FOCAD: variants seen among roughly 807,000 people sequenced by gnomAD.
The protein encoded by FOCAD is KIAA1797.
FOCAD carries 198 observed loss-of-function variants against 225.6 expected under a neutral mutation model. The ratio of observed to expected loss-of-function variants is 0.88; its 90% CI spans 0.78 to 0.99. The LOEUF (loss-of-function observed/expected upper bound fraction) is 0.99. Among genes scored for constraint, FOCAD ranks in the 50% least tolerant of loss-of-function variants. The pLI is 0.00. For missense variants in FOCAD, 2,713 were observed against 2,123.6 expected (o/e 1.28, Z -5.46); for synonymous variants, 897 against 755.0 (o/e 1.19, Z -3.08).
At position 20,710,596 on chromosome 9, in the gene FOCAD, CA is replaced by C. The variant is rs879602369; in HGVS notation, c.-32-4714del. 7.8e-3 allele frequency among the ~76,000 whole-genome samples: 1,082 copies of C among 138,976 alleles called. 8 individuals carry two copies. Among genetic ancestry groups the C allele is most frequent in the African/African-American group, 0.022 (815 of 37,786 alleles). 91.2% of individuals were successfully genotyped at this position (138,976 alleles called of 152,430 possible). ...GGGCAACAAAAGCGTAACTCTGTCT[CA>C]AAAAAAAAAAATAATAATATAACAT... On this transcript the variant is annotated intron_variant, in intron 1 of 43. Transcript: ENST00000338382.
intron 7 of FOCAD, 26 bp downstream of exon 7, chr9:20,765,099 A>G (rs2130953444): frequency 1.3e-6 from 2 of 1,583,268 alleles, no homozygotes; most frequent in Non-Finnish European, 1.7e-6. Context: ...TCCTCCACAA[A>G]TATAGGTCAG....
At chr9:20,734,184 A>G (rs541765609) in intron 4 of FOCAD, among the ~76,000 whole-genome samples, 1 of 152,192 alleles carries the variant, frequency 6.6e-6, no homozygotes, top group African/African-American at 2.4e-5. Flanking sequence ...CACTTTTGTT[A>G]TTGAGCCCTG....
chr9:20,980,264 G>A (rs1399426451), intron 37 of FOCAD, among the ~76,000 whole-genome samples: 1 of 152,050 alleles, frequency 6.6e-6, no homozygotes, highest in Non-Finnish European at 1.5e-5. Context: ...ATTATAAACT[G>A]AGGCAAATGG....
chr9:20,784,433 G>A (rs1239649523), intron 10 of FOCAD, among the ~76,000 whole-genome samples: 1 of 152,210 alleles, frequency 6.6e-6, no homozygotes. Flanking sequence ...GTGGAGCTGA[G>A]AGGTAACACA....
At chr9:20,916,011 T>G (rs1040014961) in intron 23 of FOCAD, among the ~76,000 whole-genome samples, 1 of 152,108 alleles carries the variant, frequency 6.6e-6, no homozygotes, top group Non-Finnish European at 1.5e-5. Context: ...CTATAGGAGG[T>G]GTTGCACCTG....
intron 37 of FOCAD, among the ~76,000 whole-genome samples, chr9:20,978,742 G>C (rs957750746): frequency 2.6e-5 from 4 of 152,192 alleles, no homozygotes; most frequent in Admixed American, 1.3e-4. Flanking sequence ...GAAAGTGGTG[G>C]AATTATTTGA....
chr9:20,852,011 C>G (rs1486387979), intron 15 of FOCAD, among the ~76,000 whole-genome samples: 1 of 151,730 alleles, frequency 6.6e-6, no homozygotes, highest in East Asian at 1.9e-4. Flanking sequence ...ATGTGCCCTG[C>G]CCTGTCCTAG....
intron 11 of FOCAD, among the ~76,000 whole-genome samples, chr9:20,800,268 G>T (rs1395352455): frequency 6.6e-6 from 1 of 152,030 alleles, no homozygotes; most frequent in Non-Finnish European, 1.5e-5. Flanking sequence ...TTTCTCTCTG[G>T]CTTCCCTTAA....
intron 25 of FOCAD, among the ~76,000 whole-genome samples, chr9:20,925,834 G>C (rs1834885179): frequency 6.6e-6 from 1 of 152,124 alleles, no homozygotes; most frequent in South Asian, 2.1e-4. Flanking sequence ...TTCTTGAAAT[G>C]ACAACTAAAT....
rs1274590427 is a variant in FOCAD at position 20,933,111 on chromosome 9, G to A, written c.3407+8G>A. 10 of 1,605,978 alleles carry A rather than the reference G, an allele frequency of 6.2e-6. No individual in the cohort carries two copies. The highest frequency in any genetic ancestry group is 1.3e-5 in the African/African-American group (1 of 74,760). On this transcript the variant is annotated splice_region_variant and intron_variant, in intron 28 of 43. Coordinates refer to ENST00000338382, the MANE Select transcript of FOCAD (RefSeq NM_001375567.1). ...CACTAGTCTTGAATACAAGTATGTT[G>A]TTCCTATTTCCACTCTCACAGGTAC...
At chr9:20,685,718 G>A (rs1822624298) in intron 1 of FOCAD, among the ~76,000 whole-genome samples, 1 of 152,168 alleles carries the variant, frequency 6.6e-6, no homozygotes, top group Non-Finnish European at 1.5e-5. Flanking sequence ...CTTAATCAAT[G>A]TTAGGTAGTT....
At chr9:20,771,321 C>T (rs1818203643) in intron 8 of FOCAD, among the ~76,000 whole-genome samples, 1 of 152,196 alleles carries the variant, frequency 6.6e-6, no homozygotes, top group Admixed American at 6.5e-5. Flanking sequence ...TGAGACCTTT[C>T]AGCAGATCTC....
Position 20,982,360 on chromosome 9 carries a change from A to C in FOCAD, c.4642A>C (p.Lys1548Gln), listed in dbSNP as rs1840773811. The C allele has an allele frequency of 1.2e-6, 2 of 1,607,302 alleles. No individual in the cohort carries two copies. The highest frequency in any genetic ancestry group is 8.5e-7 in the Non-Finnish European group (1 of 1,175,932). ...GTTTGGGATTTTTCTTTATCAGAGA[A>C]AGGATCTAGAGCTGTATATCAGCAT... is the stretch of plus-strand genomic sequence containing the variant. ...FDLLPNKIRR[K>Q]DLELYISIAK... Residue 1548 changes from lysine to glutamine, a missense_variant, in exon 39 of 44, where the codon AAG (lysine) becomes CAG (glutamine). Coordinates refer to ENST00000338382, the MANE Select transcript of FOCAD (RefSeq NM_001375567.1).
At chr9:20,796,796 C>T (rs1409379732) in intron 11 of FOCAD, among the ~76,000 whole-genome samples, 1 of 151,892 alleles carries the variant, frequency 6.6e-6, no homozygotes, top group Non-Finnish European at 1.5e-5. Context: ...GTTTCTTTTG[C>T]TGTGCAGAAG....
rs1317748285 is a variant in FOCAD, at chr9:20,973,916, C to T, written c.4133-2504C>T. 1.8e-5 allele frequency among the ~76,000 whole-genome samples: 2 copies of T among 108,290 alleles called. 1 individual carries two copies. Among genetic ancestry groups the T allele is most frequent in the African/African-American group, 6.7e-5 (2 of 29,822 alleles). 71.0% of individuals were successfully genotyped at this position (108,290 alleles called of 152,430 possible). A position where few individuals can be genotyped will look rare whatever the true frequency, so the allele number is the denominator to read the frequency against. The stretch of plus-strand genomic sequence containing the variant: ...CCCTACTTCCCCCTACTTTCAGCAT[C>T]TGTTCATGGCCTCTGCTTCTCCTTT... On this transcript the variant is annotated intron_variant, in intron 35 of 43. Transcript: ENST00000338382.
intron 4 of FOCAD, among the ~76,000 whole-genome samples, chr9:20,730,813 C>T (rs1826624048): frequency 6.6e-6 from 1 of 152,088 alleles, no homozygotes; most frequent in East Asian, 1.9e-4. Flanking sequence ...AGTTAAATCT[C>T]TGCATACATC....
At chr9:20,796,318 G>C (rs533447061) in intron 11 of FOCAD, among the ~76,000 whole-genome samples, 1 of 152,236 alleles carries the variant, frequency 6.6e-6, no homozygotes, top group East Asian at 1.9e-4. Flanking sequence ...ATAAACCTTC[G>C]GGTATATACC....
At chr9:20,740,012 G>A (rs1363641770) in intron 4 of FOCAD, among the ~76,000 whole-genome samples, 1 of 152,092 alleles carries the variant, frequency 6.6e-6, no homozygotes, top group Non-Finnish European at 1.5e-5. Context: ...TGTGTAGGCA[G>A]ATGATTGATA....
chr9:20,687,225 T>C (rs1356491249), intron 1 of FOCAD, among the ~76,000 whole-genome samples: 2 of 152,180 alleles, frequency 1.3e-5, no homozygotes, highest in South Asian at 2.1e-4. Flanking sequence ...CTTGCATAGA[T>C]AGTCAGTTTA....
Sources: gnomAD v4.1 joint callset for allele counts (sites outside exome capture counted in the v4.1 genomes callset) on GRCh38, gnomAD v4.1.1 for gene constraint, MANE v1.5 for transcripts, NCBI Gene and HGNC (gene_info 2026-07-23, HGNC 2026-07-21) for gene names.